Variants in GATB observed in about 807,000 individuals in gnomAD.
The protein encoded by GATB is glutamyl-tRNA amidotransferase subunit B.
A neutral mutation model predicts 62.3 loss-of-function variants in GATB; 39 were observed. That is an observed-to-expected ratio of 0.63 (90% CI 0.48 to 0.82). The LOEUF is 0.82. GATB is among the 40% of genes least tolerant of loss of function. GATB has a pLI of 0.00. For synonymous variants in GATB, 276 were observed against 258.9 expected (o/e 1.07, Z -0.63); for missense variants, 670 against 684.0 (o/e 0.98, Z 0.23).
intron 12 of GATB, among the ~76,000 whole-genome samples, chr4:151,671,810 T>C (rs1247433450): frequency 6.6e-6 from 1 of 150,982 alleles, no homozygotes; most frequent in Non-Finnish European, 1.5e-5. Context: ...TCGGGGGGAG[T>C]GTGCTGTGTG....
intron 5 of GATB, among the ~76,000 whole-genome samples, chr4:151,712,275 C>A (rs930675682): frequency 6.6e-6 from 1 of 152,086 alleles, no homozygotes; most frequent in African/African-American, 2.4e-5. Context: ...CTAGTGAAGA[C>A]AAAATACCTT....
At chr4:151,712,629 A>C (rs976229249) in intron 5 of GATB, among the ~76,000 whole-genome samples, 1 of 152,218 alleles carries the variant, frequency 6.6e-6, no homozygotes, top group Non-Finnish European at 1.5e-5. Flanking sequence ...ACTGAAAATA[A>C]CAAGGTTTGA....
At chr4:151,719,136 G>A (rs915203148) in intron 3 of GATB, among the ~76,000 whole-genome samples, 3 of 152,188 alleles carry the variant, frequency 2.0e-5, no homozygotes, top group Non-Finnish European at 2.9e-5. Flanking sequence ...CAAATACCAC[G>A]GCCAGGCTGA....
chr4:151,688,689 A>T lies in GATB; in HGVS notation c.1272T>A (p.Ser424Arg). 1.2e-6 allele frequency: 2 copies of T among 1,613,646 alleles called. No individual in the cohort carries two copies. Among genetic ancestry groups the T allele is most frequent in the Non-Finnish European group, 1.7e-6 (2 of 1,179,872 alleles). ...AGCCCAGAAAAGTGTTGAGGACCCA[A>T]CTAGTCACCTTTTTTGGCTCTGCCC... ...ETRAEPKKVT[S>R]WVLNTFLGYL... is the part of the protein sequence containing the mutation. The change falls in exon 10 of 13, where the codon AGT becomes AGA. Residue 424 changes from serine to arginine, a missense_variant. Ser to Arg is a moderately radical substitution (Grantham distance 110, BLOSUM62 -1). Coordinates refer to ENST00000263985, the MANE Select transcript of GATB (RefSeq NM_004564.3).
At chr4:151,755,969 T>C (rs1007043244) in intron 2 of GATB, among the ~76,000 whole-genome samples, 19 of 152,074 alleles carry the variant, frequency 1.2e-4, no homozygotes, top group African/African-American at 4.6e-4. Flanking sequence ...AGAGGGGAGC[T>C]TTATTTGAGG....
At chr4:151,751,931 G>A (rs964891845) in intron 2 of GATB, among the ~76,000 whole-genome samples, 30 of 151,942 alleles carry the variant, frequency 2.0e-4, no homozygotes, top group African/African-American at 7.0e-4. Context: ...TCTTCCAACG[G>A]TCTCATGGTA....
At chr4:151,722,042 G>A (rs1426006800) in intron 2 of GATB, 15 of 605,570 alleles carry the variant, frequency 2.5e-5, no homozygotes, top group Non-Finnish European at 3.8e-5. Context: ...GTCATCACAC[G>A]TTACAGATGC....
intron 3 of GATB, among the ~76,000 whole-genome samples, chr4:151,717,966 C>A (rs1399358543): frequency 6.7e-6 from 1 of 150,270 alleles, no homozygotes; most frequent in Non-Finnish European, 1.5e-5. Flanking sequence ...AGCTAGTGAG[C>A]ATCAATGTCA....
At chr4:151,722,554 A>T (rs1739052286) in intron 2 of GATB, 1 of 244,590 alleles carries the variant, frequency 4.1e-6, no homozygotes. Flanking sequence ...AACCGTGCTG[A>T]TCTTCTGATT....
Position 151,672,793 on chromosome 4 carries a change from C to T in GATB, c.1514G>A (p.Cys505Tyr). ...AGGATGGGCCTCCATCACAGAGTGGCAGAGCTGCTCCAGTGCCCCCTGGTC... is the reference window on the plus strand; with the variant it reads ...AGGATGGGCCTCCATCACAGAGTGGTAGAGCTGCTCCAGTGCCCCCTGGTC... Reference protein sequence around the residue: ...MQDQGALEQLCHSVMEAHPQV... With the variant: ...MQDQGALEQLYHSVMEAHPQV... The change falls in exon 12 of 13, where the codon TGC (cysteine) becomes TAC (tyrosine). Residue 505 changes from cysteine (C) to tyrosine (Y), a missense_variant. Physicochemically the swap from Cys to Tyr is radical, Grantham distance 194 (BLOSUM62 -2). Coordinates refer to ENST00000263985, the MANE Select transcript of GATB (RefSeq NM_004564.3). The T allele has an allele frequency of 6.2e-7, 1 of 1,614,178 alleles. No homozygotes were observed.
chr4:151,719,275 T>G, intron 3 of GATB, 150 bp downstream of exon 3: 2 of 574,628 alleles, frequency 3.5e-6, no homozygotes, highest in South Asian at 4.2e-5. Flanking sequence ...CCTGCCTGCA[T>G]CAGGGCTGGG....
rs1336708333 is a variant in GATB at position 151,672,762 on chromosome 4, C to T, written c.1545G>A (p.Val515=). ...CCTCTCCCCTGCCCGAGATAGTCAC[C>T]ACTTGAGGATGGGCCTCCATCACAG... The part of the protein sequence containing the change: ...CHSVMEAHPQ[V]VMDVKNRNPR... The change falls in exon 12 of 13, where the codon GTG becomes GTA. Residue 515 remains valine (V), a splice_region_variant and synonymous_variant. Coordinates refer to ENST00000263985, the MANE Select transcript of GATB (RefSeq NM_004564.3). 1 of 1,613,858 alleles carries T rather than the reference C, an allele frequency of 6.2e-7. No homozygotes were observed. Among genetic ancestry groups the T allele is most frequent in the African/African-American group, 1.3e-5 (1 of 74,928 alleles).
chr4:151,704,742 G>T (rs56199243), intron 7 of GATB, among the ~76,000 whole-genome samples: 3 of 146,998 alleles, frequency 2.0e-5, no homozygotes, highest in African/African-American at 7.6e-5. Context: ...CGTGAGCCAC[G>T]GCGCCTGGCC....
intron 11 of GATB, chr4:151,676,234 A>G (rs943116332): frequency 1.3e-5 from 2 of 152,272 alleles, no homozygotes; most frequent in Admixed American, 6.5e-5. Context: ...GCTTTGGTGC[A>G]TGATATATAA....
chr4:151,702,624 C>A (rs139864593), intron 8 of GATB, among the ~76,000 whole-genome samples: 1 of 152,068 alleles, frequency 6.6e-6, no homozygotes, highest in Admixed American at 6.5e-5. Flanking sequence ...GAACTCTGGA[C>A]GTTCCATTCA....
rs746021332 is a variant in GATB at position 151,708,035 on chromosome 4, G to A, written c.830C>T (p.Thr277Met). Reference sequence around the variant, plus strand: ...GATGCTGTTGAGATTCTTCACTTCCGTTCGAACGCCCAAAGGCTCCCCAGG... The same window carrying A: ...GATGCTGTTGAGATTCTTCACTTCCATTCGAACGCCCAAAGGCTCCCCAGG... ...HHPGEPLGVR[T>M]EVKNLNSIRF... The change falls in exon 6 of 13, where the codon ACG becomes ATG. Residue 277 changes from threonine (T) to methionine (M), a missense_variant. Coordinates refer to ENST00000263985, the MANE Select transcript of GATB (RefSeq NM_004564.3). 3.3e-5 allele frequency: 54 copies of A among 1,613,968 alleles called. No individual in the cohort carries two copies. The highest frequency in any genetic ancestry group is 4.2e-5 in the Non-Finnish European group (50 of 1,179,960).
rs1228702250 is a variant in GATB at position 151,717,246 on chromosome 4, G to A, written c.442-172C>T. ...GTTGCTGCATTGCAGCCATCATTGAGCCTGGTCTCTTCTGCCCCTGCCATC... is the reference window on the plus strand; with the variant it reads ...GTTGCTGCATTGCAGCCATCATTGAACCTGGTCTCTTCTGCCCCTGCCATC... On this transcript the variant is annotated intron_variant, in intron 3 of 12. Coordinates refer to ENST00000263985, the MANE Select transcript of GATB (RefSeq NM_004564.3). 13 of 623,266 alleles carry A rather than the reference G, an allele frequency of 2.1e-5. No individual in the cohort carries two copies. The African/African-American group carries it at 2.4e-4, about 11-fold the overall frequency. The allele number at this position is 623,266 out of a possible 1,614,324, so 38.6% of individuals were successfully genotyped here. A position where few individuals can be genotyped will look rare whatever the true frequency, so the allele number is the denominator to read the frequency against.
intron 5 of GATB, among the ~76,000 whole-genome samples, chr4:151,715,063 C>A (rs1268792871): frequency 6.6e-6 from 1 of 152,170 alleles, no homozygotes; most frequent in East Asian, 1.9e-4. Context: ...CCAGAAGTCC[C>A]CCTGTAACAT....
intron 11 of GATB, among the ~76,000 whole-genome samples, 182 bp downstream of exon 11, chr4:151,679,631 T>C (rs1245908249): frequency 4.6e-5 from 7 of 152,224 alleles, no homozygotes; most frequent in African/African-American, 1.7e-4. Flanking sequence ...ACTGCCTGCA[T>C]TGCACATATT....
Sources: allele counts gnomAD v4.1 joint callset (sites outside exome capture counted in the v4.1 genomes callset), GRCh38; gene constraint gnomAD v4.1.1; transcripts MANE v1.5; gene names NCBI Gene and HGNC (gene_info 2026-07-23, HGNC 2026-07-21).